The following STT3A variants were observed in gnomAD, a reference collection of about 807,000 sequenced individuals.
STT3A encodes the protein dolichyl-diphosphooligosaccharide--protein glycosyltransferase subunit STT3A.
STT3A carries 34 observed loss-of-function variants against 89.2 expected under a neutral mutation model. That is an observed-to-expected ratio of 0.38 (90% confidence interval 0.29 to 0.51). STT3A has a LOEUF of 0.51. STT3A is among the 20% of genes least tolerant of loss of function. The pLI, the probability that STT3A is intolerant of heterozygous loss-of-function variation, is 0.89. For missense variants in STT3A, 555 were observed against 889.5 expected (o/e 0.62, Z 4.78); for synonymous variants, 282 against 310.3 (o/e 0.91, Z 0.96).
rs1232311420 is a variant in STT3A at position 125,592,919 on chromosome 11, G to T, written c.-36+1G>T. On this transcript the variant is annotated splice_donor_variant, in intron 1 of 17. Coordinates refer to ENST00000392708, the MANE Select transcript of STT3A (RefSeq NM_152713.5). LOFTEE classifies it low-confidence loss of function (5UTR_SPLICE). ...CGGATCGTTTAGGAAAGCCGGCCAG[G>T]TGAGAAGGCCGTAGAACGTAACTTG... The T allele has an allele frequency of 1.1e-5, 2 of 175,696 alleles. No individual in the cohort carries two copies. The highest frequency in any genetic ancestry group is 2.5e-5 in the Non-Finnish European group (2 of 80,540). 10.9% of individuals were successfully genotyped at this position (175,696 alleles called of 1,614,324 possible). A position where few individuals can be genotyped will look rare whatever the true frequency, so the allele number is the denominator to read the frequency against.
chr11:125,619,216 A>AT (rs879500878), intron 16 of STT3A, among the ~76,000 whole-genome samples: 1,494 of 138,894 alleles, frequency 0.011, 5 homozygotes, highest in African/African-American at 0.013. Context: ...TCCCCAGCTA[A>AT]TTTTTTTTTT....
In STT3A at chr11:125,606,138, A is replaced by T. The variant is rs912222995; in HGVS notation, c.616-163A>T. ...TGTAAGGACTTGATTTTCCTGTTTA[A>T]AAAAAAAAATCAGTTATTTGAACTC... is the stretch of plus-strand genomic sequence containing the variant. On this transcript the variant is annotated intron_variant, in intron 7 of 17. Coordinates refer to ENST00000392708, the MANE Select transcript of STT3A (RefSeq NM_152713.5). 1.8e-5 allele frequency: 11 copies of T among 602,274 alleles called. No homozygotes were observed. In the Admixed American group the frequency reaches 1.9e-4, roughly 10 times the overall value. The allele number at this position is 602,274 out of a possible 1,614,324, so 37.3% of individuals were successfully genotyped here. A position where few individuals can be genotyped will look rare whatever the true frequency, so the allele number is the denominator to read the frequency against.
At chr11:125,596,908 G>A (rs1939515902) in intron 2 of STT3A, 151 bp from the exon 3 acceptor site, 2 of 827,546 alleles carry the variant, frequency 2.4e-6, no homozygotes, top group Non-Finnish European at 3.7e-6. Context: ...TTTCCTTTAT[G>A]TGGGGAAAGA....
At position 125,599,664 on chromosome 11, in the gene STT3A, C is replaced by T. The variant is rs896641662; in HGVS notation, c.149+2545C>T. 6.6e-4 allele frequency among the ~76,000 whole-genome samples: 92 copies of T among 138,388 alleles called. No homozygotes were observed. The Middle Eastern group carries it at 0.018, about 27-fold the overall frequency. The allele number at this position is 138,388 out of a possible 152,430, so 90.8% of individuals were successfully genotyped here. A position where few individuals can be genotyped will look rare whatever the true frequency, so the allele number is the denominator to read the frequency against. On this transcript the variant is annotated intron_variant, in intron 3 of 17. Transcript: ENST00000392708. ...GCTCAAGCGATCCATCCACCTCTGC[C>T]TCCCAAAGTGCTGGGATAACAGGCA...
rs77066378 is a variant in STT3A at position 125,604,148 on chromosome 11, T to A, written c.418-9T>A. On this transcript the variant is annotated splice_polypyrimidine_tract_variant and intron_variant, in intron 5 of 17. Transcript: ENST00000392708. Reference sequence around the variant, plus strand: ...GTGTTAATGTCTTATTACCCTTTTTTTCTTACAGGATGCAGGGGCTGGGCT... The same window carrying A: ...GTGTTAATGTCTTATTACCCTTTTTATCTTACAGGATGCAGGGGCTGGGCT... 33 of 1,613,858 alleles carry A rather than the reference T, an allele frequency of 2.0e-5. No individual in the cohort carries two copies. In the East Asian group the frequency reaches 7.4e-4, roughly 36 times the overall value.
In STT3A at chr11:125,602,385, T is replaced by C; in HGVS notation, c.232T>C (p.Tyr78His). The C allele has an allele frequency of 6.2e-7, 1 of 1,613,828 alleles. No individual in the cohort carries two copies. Among genetic ancestry groups the C allele is most frequent in the Non-Finnish European group, 8.5e-7 (1 of 1,179,884 alleles). The change falls in exon 4 of 18, where the codon TAC (tyrosine) becomes CAC (histidine). Residue 78 changes from tyrosine to histidine, a missense_variant. Physicochemically the swap from Tyr to His is moderately conservative, Grantham distance 83. Around this residue, in one of 5 missense-constraint regions of STT3A, gnomAD observed 129 missense variants for 193.2 expected, o/e 0.67. Coordinates refer to ENST00000392708, the MANE Select transcript of STT3A (RefSeq NM_152713.5). ...FHNWFDDRAW[Y>H]PLGRIIGGTI... ...TAACTGGTTTGATGACCGAGCCTGG[T>C]ACCCTTTGGGACGAATCATTGGAGG...
At position 125,600,030 on chromosome 11, in the gene STT3A, T is replaced by C. The variant is rs111306842; in HGVS notation, c.150-2273T>C. Among the ~76,000 whole-genome samples, 39 of 151,240 alleles carry C rather than the reference T, an allele frequency of 2.6e-4. 1 individual carries two copies. Among genetic ancestry groups the C allele is most frequent in the African/African-American group, 9.4e-4 (39 of 41,324 alleles). ...AGGCATTAACTACTACGCCGGCCTC[T>C]TATTTATTTTTATTTGTTATTATTA... On this transcript the variant is annotated intron_variant, in intron 3 of 17. Transcript: ENST00000392708.
intron 4 of STT3A, 152 bp downstream of exon 4, chr11:125,602,576 C>T (rs1939718078): frequency 8.8e-7 from 1 of 1,133,148 alleles, no homozygotes; most frequent in Non-Finnish European, 1.2e-6. Flanking sequence ...CTTACATAAA[C>T]AGGAGTACAT....
chr11:125,599,980 C>G (rs1939622511), intron 3 of STT3A, among the ~76,000 whole-genome samples: 2 of 151,676 alleles, frequency 1.3e-5, no homozygotes, highest in South Asian at 4.2e-4. Flanking sequence ...CCATCCACCT[C>G]TGCCTCCCAA....
Position 125,605,735 on chromosome 11 carries a change from G to T in STT3A, c.615G>T (p.Met205Ile). Reference protein sequence around the residue: ...AAKCALAYFYMVSSWGGYVFL... With the variant: ...AAKCALAYFYIVSSWGGYVFL... The stretch of plus-strand genomic sequence containing the variant: ...AGTGTGCCCTTGCTTATTTCTACAT[G>T]GTAACTTTTTCTACATGTTTTCAAT... The change falls in exon 7 of 18, where the codon ATG (methionine) becomes ATT (isoleucine). Residue 205 changes from methionine (M) to isoleucine (I), a missense_variant and splice_region_variant. Around this residue, in one of 5 missense-constraint regions of STT3A, gnomAD observed 149 missense variants for 206.2 expected, o/e 0.72. Coordinates refer to ENST00000392708, the MANE Select transcript of STT3A (RefSeq NM_152713.5). 6.2e-7 allele frequency: 1 copy of T among 1,610,022 alleles called. No homozygotes were observed. The highest frequency in any genetic ancestry group is 8.5e-7 in the Non-Finnish European group (1 of 1,177,710).
chr11:125,594,964 T>C (rs928583323), intron 1 of STT3A: 2 of 152,192 alleles, frequency 1.3e-5, no homozygotes, highest in African/African-American at 4.8e-5. Flanking sequence ...GATCTGTGTT[T>C]GGGTACCTCC....
chr11:125,608,483 C>A, intron 9 of STT3A, 194 bp downstream of exon 9: 1 of 452,760 alleles, frequency 2.2e-6, no homozygotes. Context: ...CCCGCCACCA[C>A]GCCCAGCCAA....
intron 8 of STT3A, among the ~76,000 whole-genome samples, chr11:125,606,967 G>C (rs1939858971): frequency 6.6e-6 from 1 of 152,156 alleles, no homozygotes; most frequent in African/African-American, 2.4e-5. Context: ...ACCTTATCTA[G>C]AGGTCAACAA....
chr11:125,605,445 C>T (rs1362331390), intron 6 of STT3A, among the ~76,000 whole-genome samples, 184 bp from the exon 7 acceptor site: 4 of 152,194 alleles, frequency 2.6e-5, no homozygotes, highest in Non-Finnish European at 2.9e-5. Context: ...GTTTTCAGAA[C>T]ACTTTTATGA....
intron 10 of STT3A, 86 bp from the exon 11 acceptor site, chr11:125,611,342 C>A: frequency 1.0e-6 from 1 of 986,214 alleles, no homozygotes; most frequent in Non-Finnish European, 1.6e-6. Context: ...TGTGTGGAAT[C>A]ATCCAGTCAT....
At chr11:125,600,664 T>C (rs1939645593) in intron 3 of STT3A, among the ~76,000 whole-genome samples, 1 of 152,210 alleles carries the variant, frequency 6.6e-6, no homozygotes, top group African/African-American at 2.4e-5. Context: ...CACCCAGCCT[T>C]ATTTCTTTTT....
chr11:125,602,996 C>T, intron 5 of STT3A, 48 bp downstream of exon 5: 1 of 1,606,788 alleles, frequency 6.2e-7, no homozygotes, highest in Non-Finnish European at 8.5e-7. Flanking sequence ...TGTTATTGAG[C>T]CTCTCTAATC....
At chr11:125,606,520 A>C in intron 8 of STT3A, 55 bp downstream of exon 8, 3 of 1,532,286 alleles carry the variant, frequency 2.0e-6, no homozygotes, top group Non-Finnish European at 2.6e-6. Context: ...TGCAGCCCCA[A>C]CTAGACTGAT....
chr11:125,612,855 T>G, intron 12 of STT3A, 108 bp downstream of exon 12: 1 of 1,513,918 alleles, frequency 6.6e-7, no homozygotes, highest in Non-Finnish European at 9.0e-7. Context: ...CTGTCCTAGG[T>G]GGTCAGAATT....
Sources: gnomAD v4.1 joint callset for allele counts (sites outside exome capture counted in the v4.1 genomes callset) on GRCh38, gnomAD v4.1.1 for gene constraint, gnomAD v4.1.1 regional missense constraint, MANE v1.5 for transcripts, NCBI Gene and HGNC (gene_info 2026-07-23, HGNC 2026-07-21) for gene names.